MLXIP: variants seen among roughly 807,000 people sequenced by gnomAD.
MLXIP encodes the protein MLX-interacting protein.
Under a neutral mutation model 87.2 loss-of-function variants are expected in MLXIP, and 30 were observed. That is an observed-to-expected ratio of 0.34 (90% CI 0.26 to 0.47). The LOEUF (loss-of-function observed/expected upper bound fraction) is 0.47, where lower values mean the gene tolerates loss of function less well. Ranked by LOEUF, MLXIP falls within the 20% of genes least tolerant of loss-of-function variation. The probability of loss-of-function intolerance (pLI) is 1.00; values close to 1 mark genes in which losing one functional copy is unlikely to be tolerated. For synonymous variants in MLXIP, 530 were observed against 514.0 expected (o/e 1.03, Z -0.42); for missense variants, 1,002 against 1,240.1 (o/e 0.81, Z 2.88).
At position 122,135,612 on chromosome 12, in the gene MLXIP, G is replaced by A. The variant is rs777478918; in HGVS notation, c.1978G>A (p.Gly660Ser). The change falls in exon 11 of 17, where the codon GGC becomes AGC. Residue 660 changes from glycine (G) to serine (S), a missense_variant. By Grantham distance (56) the Gly-to-Ser change is moderately conservative (BLOSUM62 0). Around this residue, in one of 3 missense-constraint regions of MLXIP, gnomAD observed 746 missense variants for 897.0 expected, o/e 0.83. Transcript: ENST00000319080. This position sits in a 1 kb window ranked among gnomAD's most constrained non-coding sequence, Gnocchi z 5.3. ...CACAGCGCAAGACCCCCTGGGGAAG[G>A]GCGAGCAGGTCCCGCTGCATGGGGG... Reference protein sequence around the residue: ...PSTAQDPLGKGEQVPLHGGSP... With the variant: ...PSTAQDPLGKSEQVPLHGGSP... 4 of 1,573,456 alleles carry A rather than the reference G, an allele frequency of 2.5e-6. No individual in the cohort carries two copies. In the South Asian group the frequency reaches 3.6e-5, roughly 14 times the overall value.
chr12:122,128,166 C>G, intron 3 of MLXIP, 198 bp downstream of exon 3: 1 of 569,162 alleles, frequency 1.8e-6, no homozygotes, highest in Non-Finnish European at 3.2e-6. Context: ...TCCCCCTTCT[C>G]AGAGGGACTG....
intron 1 of MLXIP, among the ~76,000 whole-genome samples, chr12:122,111,076 CAAAA>C (rs56017387): frequency 3.1e-5 from 4 of 129,730 alleles, no homozygotes; most frequent in Admixed American, 1.6e-4. Flanking sequence ...GACTCTGTCT[CAAAA>C]AAAAAAAAAA....
chr12:122,121,541 A>G lies in MLXIP; in HGVS notation c.414-5715A>G, dbSNP rs374164836. Among the ~76,000 whole-genome samples the G allele has an allele frequency of 2.1e-4, 32 of 152,094 alleles. No individual in the cohort carries two copies. In the East Asian group the frequency reaches 3.3e-3, roughly 16 times the overall value. On this transcript the variant is annotated intron_variant, in intron 1 of 16. Coordinates refer to ENST00000319080, the MANE Select transcript of MLXIP (RefSeq NM_014938.6). The stretch of plus-strand genomic sequence containing the variant: ...CACCTCGGCCTCCCAAAGTGCTGAG[A>G]TTACAGGTGTGAGCCACCGTGCCCG...
chr12:122,125,468 G>A (rs991241212), intron 1 of MLXIP, among the ~76,000 whole-genome samples: 1 of 152,116 alleles, frequency 6.6e-6, no homozygotes, highest in African/African-American at 2.4e-5. Flanking sequence ...GTATTTTACT[G>A]TACCCAAATG....
At position 122,142,582 on chromosome 12, in the gene MLXIP, C is replaced by T. The variant is rs899810163; in HGVS notation, c.*770C>T. On this transcript the variant is annotated 3_prime_UTR_variant, in exon 17 of 17. Coordinates refer to ENST00000319080, the MANE Select transcript of MLXIP (RefSeq NM_014938.6). The stretch of plus-strand genomic sequence containing the variant: ...CCATGGGGACTCAGCCCAGGGCCTT[C>T]TCGGATGTCACCTCACCGCTGTGGC... The T allele has an allele frequency of 1.9e-5, 6 of 320,178 alleles. No homozygotes were observed. In the Admixed American group the frequency reaches 2.4e-4, roughly 13 times the overall value. The allele number at this position is 320,178 out of a possible 1,614,324, so 19.8% of individuals were successfully genotyped here. A position where few individuals can be genotyped will look rare whatever the true frequency, so the allele number is the denominator to read the frequency against.
intron 1 of MLXIP, among the ~76,000 whole-genome samples, chr12:122,115,588 C>CAAAA (rs35318582): frequency 0.011 from 1,185 of 110,346 alleles, 38 homozygotes; most frequent in Non-Finnish European, 0.013. Flanking sequence ...AACTCCTTCT[C>CAAAA]AAAAAAAAAA....
At chr12:122,118,409 C>T (rs1593092873) in intron 1 of MLXIP, among the ~76,000 whole-genome samples, 1 of 152,232 alleles carries the variant, frequency 6.6e-6, no homozygotes, top group East Asian at 1.9e-4. Context: ...AACACTCCTT[C>T]TCACTGGACC....
chr12:122,120,516 G>A (rs1295116345), intron 1 of MLXIP, among the ~76,000 whole-genome samples: 1 of 152,218 alleles, frequency 6.6e-6, no homozygotes, highest in Non-Finnish European at 1.5e-5. Flanking sequence ...GGGGAACTAG[G>A]TAATGGTGCT....
chr12:122,083,146 A>G (rs1952116102), intron 1 of MLXIP, among the ~76,000 whole-genome samples: 1 of 152,022 alleles, frequency 6.6e-6, no homozygotes, highest in Non-Finnish European at 1.5e-5. Context: ...GAACACTTCT[A>G]GTGTGTACCT....
chr12:122,078,998 C>G lies in MLXIP; in HGVS notation c.145C>G (p.Pro49Ala). Reference protein sequence around the residue: ...SPPPASGAATPARAHASAAPP... With the variant: ...SPPPASGAATAARAHASAAPP... ...GCCGCCCGCCTCCGGCGCGGCCACCCCGGCCCGGGCCCACGCGAGCGCCGC... is the reference window on the plus strand; with the variant it reads ...GCCGCCCGCCTCCGGCGCGGCCACCGCGGCCCGGGCCCACGCGAGCGCCGC... The change falls in exon 1 of 17, where the codon CCG becomes GCG. Residue 49 changes from proline (P) to alanine (A), a missense_variant. Physicochemically the swap from Pro to Ala is conservative, Grantham distance 27. Transcript: ENST00000319080. The G allele has an allele frequency of 1.8e-6, 2 of 1,128,904 alleles. No individual in the cohort carries two copies. The highest frequency in any genetic ancestry group is 2.2e-6 in the Non-Finnish European group (2 of 925,000). 69.9% of individuals were successfully genotyped at this position (1,128,904 alleles called of 1,614,324 possible). A position where few individuals can be genotyped will look rare whatever the true frequency, so the allele number is the denominator to read the frequency against.
chr12:122,081,225 C>T (rs1593052203), intron 1 of MLXIP, among the ~76,000 whole-genome samples: 1 of 152,314 alleles, frequency 6.6e-6, no homozygotes. Flanking sequence ...CTGCTTTTCC[C>T]TGTGCCTAAG....
intron 5 of MLXIP, 103 bp from the exon 6 acceptor site, chr12:122,129,837 CA>C: frequency 6.9e-7 from 1 of 1,446,508 alleles, no homozygotes; most frequent in Non-Finnish European, 9.4e-7. Context: ...GCCTCACTTC[CA>C]CTGAGCACCC....
chr12:122,147,170 G>A lies in MLXIP; in HGVS notation c.*5358G>A, dbSNP rs1593129439. 6.6e-6 allele frequency: 1 copy of A among 152,140 alleles called. No individual in the cohort carries two copies. Among genetic ancestry groups the A allele is most frequent in the East Asian group, 1.9e-4 (1 of 5,160 alleles). The allele number at this position is 152,140 out of a possible 1,614,324, so 9.4% of individuals were successfully genotyped here. On this transcript the variant is annotated 3_prime_UTR_variant, in exon 17 of 17. Transcript: ENST00000319080. ...ACCTCGTGGTCTGAAGAACAAACCA[G>A]AGAAGAGTCTGGTTTGGCCAGAGGC...
intron 1 of MLXIP, among the ~76,000 whole-genome samples, chr12:122,086,016 CAA>C (rs1469453137): frequency 2.0e-5 from 3 of 152,178 alleles, no homozygotes; most frequent in African/African-American, 4.8e-5. Context: ...AAGAGGGAAT[CAA>C]AGAGAGAACC....
chr12:122,136,525 A>G (rs1953096011), intron 11 of MLXIP: 2 of 150,924 alleles, frequency 1.3e-5, no homozygotes, highest in Non-Finnish European at 2.9e-5. Flanking sequence ...GCTACTCAGG[A>G]GACCGAGATG....
At chr12:122,104,575 C>CTTTTTTT (rs751931978) in intron 1 of MLXIP, among the ~76,000 whole-genome samples, 25 of 91,300 alleles carry the variant, frequency 2.7e-4, no homozygotes, top group African/African-American at 3.7e-4. Flanking sequence ...ATTACCTTTT[C>CTTTTTTT]TTTTTTTTTT....
chr12:122,090,049 A>T (rs1952222791), intron 1 of MLXIP, among the ~76,000 whole-genome samples: 2 of 152,188 alleles, frequency 1.3e-5, no homozygotes, highest in Admixed American at 6.5e-5. Context: ...GTTAGACTGG[A>T]GTCATGGTTA....
chr12:122,121,307 C>CTTTTTTTTT, intron 1 of MLXIP, among the ~76,000 whole-genome samples: 1 of 118,226 alleles, frequency 8.5e-6, no homozygotes, highest in Non-Finnish European at 1.7e-5. Flanking sequence ...TGTGCCCAGC[C>CTTTTTTTTT]TTTTTTTTTT....
At chr12:122,098,796 CTG>C (rs1952393605) in intron 1 of MLXIP, among the ~76,000 whole-genome samples, 1 of 152,224 alleles carries the variant, frequency 6.6e-6, no homozygotes, top group Non-Finnish European at 1.5e-5. Flanking sequence ...CTCCGGTGCT[CTG>C]AAATTGGCTT....
Sources: gnomAD v4.1 joint callset for allele counts (sites outside exome capture counted in the v4.1 genomes callset) on GRCh38, gnomAD v4.1.1 for gene constraint, gnomAD v4.1.1 regional missense constraint, Gnocchi (gnomAD v3.1) non-coding constraint, MANE v1.5 for transcripts, NCBI Gene and HGNC (gene_info 2026-07-23, HGNC 2026-07-21) for gene names.